IPO8: variants seen among roughly 807,000 people sequenced by gnomAD.
IPO8 encodes importin-8.
In IPO8, 65 loss-of-function variants were observed where a neutral mutation model predicts 141.2. That is an observed-to-expected ratio of 0.46 (90% CI 0.38 to 0.57). The LOEUF (loss-of-function observed/expected upper bound fraction) is 0.57, where lower values mean the gene tolerates loss of function less well. Ranked by LOEUF, IPO8 falls within the 20% of genes least tolerant of loss-of-function variation. The pLI, the probability that IPO8 is intolerant of heterozygous loss-of-function variation, is 0.00. For synonymous variants in IPO8, 411 were observed against 420.3 expected (o/e 0.98, Z 0.27); for missense variants, 980 against 1,246.8 (o/e 0.79, Z 3.22).
At position 30,630,893 on chromosome 12, in the gene IPO8, T is replaced by G. The variant is rs777111415; in HGVS notation, c.3081A>C (p.Ala1027=). The G allele has an allele frequency of 7.4e-6, 12 of 1,613,664 alleles. No homozygotes were observed. The highest frequency in any genetic ancestry group is 7.6e-6 in the Non-Finnish European group (9 of 1,179,938). The stretch of plus-strand genomic sequence containing the variant: ...TGCTGGGCACAGTCCCAAAATTAAA[T>G]GCGGAGAGGACTCCTTTGTTTTCAA... ...FTFENKGVLS[A]FNFGTVPSNN Residue 1027 remains alanine (A), a synonymous_variant, in exon 25 of 25, where the codon GCA becomes GCC. Coordinates refer to ENST00000256079, the MANE Select transcript of IPO8 (RefSeq NM_006390.4).
In IPO8 at chr12:30,645,867, GAAAAC is replaced by G. The variant is rs200753347; in HGVS notation, c.2268+3265_2268+3269del. On this transcript the variant is annotated intron_variant, in intron 20 of 24. Transcript: ENST00000256079. ...AATTGGCCATTTAAAACTACCCACC[GAAAAC>G]AAAACAAAACAAAACACAGACAAAA... 9.5e-3 allele frequency among the ~76,000 whole-genome samples: 1,445 copies of G among 151,338 alleles called. 17 individuals are homozygous for G. Among genetic ancestry groups the G allele is most frequent in the African/African-American group, 0.033 (1,372 of 41,280 alleles).
At chr12:30,662,224 G>C (rs2052897779) in intron 15 of IPO8, 103 bp downstream of exon 15, 1 of 851,376 alleles carries the variant, frequency 1.2e-6, no homozygotes, top group Non-Finnish European at 1.9e-6. Context: ...ATGTTGTTAA[G>C]CAGCACATGA....
intron 5 of IPO8, among the ~76,000 whole-genome samples, chr12:30,677,944 G>A (rs1408364275): frequency 6.6e-6 from 1 of 151,700 alleles, no homozygotes; most frequent in African/African-American, 2.4e-5. Flanking sequence ...AGACCAGCCT[G>A]GCCAAAACAG....
chr12:30,694,962 C>A (rs939539630), intron 1 of IPO8: 1 of 455,664 alleles, frequency 2.2e-6, no homozygotes, highest in African/African-American at 2.0e-5. Context: ...TAAGAAATTT[C>A]TCCAACACAT....
Position 30,640,915 on chromosome 12 carries a change from C to T in IPO8, c.2269-1180G>A, listed in dbSNP as rs139939295. On this transcript the variant is annotated intron_variant, in intron 20 of 24. Coordinates refer to ENST00000256079, the MANE Select transcript of IPO8 (RefSeq NM_006390.4). ...TGAGACAATGGATATGCTAATTACC[C>T]TGATCAGATCACTACACATTGTATC... Among the ~76,000 whole-genome samples, 1,454 of 152,214 alleles carry T rather than the reference C, an allele frequency of 9.6e-3. 17 individuals carry two copies. The highest frequency in any genetic ancestry group is 0.033 in the African/African-American group (1,382 of 41,546).
chr12:30,655,970 T>A (rs1194566523), intron 17 of IPO8, among the ~76,000 whole-genome samples: 1 of 152,158 alleles, frequency 6.6e-6, no homozygotes, highest in African/African-American at 2.4e-5. Context: ...AAAATTCCCA[T>A]CAGCTTGTAA....
intron 5 of IPO8, 149 bp from the exon 6 acceptor site, chr12:30,676,736 A>G: frequency 1.3e-6 from 1 of 764,308 alleles, no homozygotes; most frequent in Non-Finnish European, 2.2e-6. Flanking sequence ...AACTTAAAAC[A>G]GATTCATACG....
intron 16 of IPO8, among the ~76,000 whole-genome samples, chr12:30,658,485 C>A (rs1185821959): frequency 6.6e-6 from 1 of 152,074 alleles, no homozygotes; most frequent in Non-Finnish European, 1.5e-5. Context: ...TTCACCCATG[C>A]CTCTCTTGAT....
chr12:30,689,764 T>C (rs1359183795), intron 2 of IPO8, among the ~76,000 whole-genome samples: 1 of 152,232 alleles, frequency 6.6e-6, no homozygotes, highest in African/African-American at 2.4e-5. Context: ...GTTGGGTAGT[T>C]TTACTTCCTT....
At chr12:30,658,922 C>G (rs1374047644) in intron 16 of IPO8, among the ~76,000 whole-genome samples, 3 of 148,378 alleles carry the variant, frequency 2.0e-5, no homozygotes, top group African/African-American at 7.5e-5. Flanking sequence ...GCTCTGTCCC[C>G]CAGGCTGGAG....
intron 21 of IPO8, 41 bp from the exon 22 acceptor site, chr12:30,637,228 T>C: frequency 6.9e-7 from 1 of 1,453,882 alleles, no homozygotes; most frequent in Non-Finnish European, 9.6e-7. Flanking sequence ...ACATGAGAAG[T>C]GGAATAAAGA....
intron 21 of IPO8, among the ~76,000 whole-genome samples, chr12:30,639,238 T>C (rs199624101): frequency 1.3e-5 from 2 of 152,190 alleles, no homozygotes; most frequent in East Asian, 3.9e-4. Flanking sequence ...CTAATTCTTG[T>C]TGCCTAGAGA....
intron 20 of IPO8, among the ~76,000 whole-genome samples, chr12:30,642,852 C>T (rs908279767): frequency 2.0e-5 from 3 of 151,860 alleles, no homozygotes. Flanking sequence ...TAAAAGGGCT[C>T]ATAAGACAAA....
chr12:30,656,210 T>C (rs896540035), intron 17 of IPO8, among the ~76,000 whole-genome samples: 13 of 152,094 alleles, frequency 8.5e-5, no homozygotes, highest in South Asian at 2.1e-4. Flanking sequence ...CTAATTTTTT[T>C]TATTTTTTGT....
intron 8 of IPO8, among the ~76,000 whole-genome samples, chr12:30,671,599 C>T (rs553174392): frequency 7.5e-5 from 11 of 146,646 alleles, no homozygotes; most frequent in Non-Finnish European, 7.4e-5. Flanking sequence ...GCATGAACCC[C>T]GGAGGCGGAG....
intron 10 of IPO8, 64 bp downstream of exon 10, chr12:30,669,119 A>C: frequency 4.5e-6 from 3 of 670,048 alleles, no homozygotes; most frequent in Non-Finnish European, 7.5e-6. Flanking sequence ...GCTTAAAAAT[A>C]TAAATTTAGT....
chr12:30,678,580 A>C (rs1798455167), intron 5 of IPO8, among the ~76,000 whole-genome samples: 1 of 152,218 alleles, frequency 6.6e-6, no homozygotes, highest in African/African-American at 2.4e-5. Flanking sequence ...GCATTTTCTC[A>C]GAATGCATCC....
chr12:30,630,322 G>A lies in IPO8; in HGVS notation c.*538C>T, dbSNP rs953539762. The A allele has an allele frequency of 1.3e-5, 2 of 152,222 alleles. No individual in the cohort carries two copies. Among genetic ancestry groups the A allele is most frequent in the African/African-American group, 4.8e-5 (2 of 41,438 alleles). The allele number at this position is 152,222 out of a possible 1,614,324, so 9.4% of individuals were successfully genotyped here. ...CAGCAGGGTGAGCAGAGGGAGCCGTGAAGATTTTGAAACCAGAGTGACTTG... is the reference window on the plus strand; with the variant it reads ...CAGCAGGGTGAGCAGAGGGAGCCGTAAAGATTTTGAAACCAGAGTGACTTG... On this transcript the variant is annotated 3_prime_UTR_variant, in exon 25 of 25. Transcript: ENST00000256079.
intron 4 of IPO8, among the ~76,000 whole-genome samples, 153 bp downstream of exon 4, chr12:30,681,506 C>A (rs1158542734): frequency 2.0e-5 from 3 of 152,170 alleles, no homozygotes; most frequent in African/African-American, 7.2e-5. Flanking sequence ...TCAATAACTG[C>A]AGCAAATAAA....
Sources: gnomAD v4.1 joint callset for allele counts (sites outside exome capture counted in the v4.1 genomes callset) on GRCh38, gnomAD v4.1.1 for gene constraint, MANE v1.5 for transcripts, NCBI Gene and HGNC (gene_info 2026-07-23, HGNC 2026-07-21) for gene names.